CCDC169: variants seen among roughly 807,000 people sequenced by gnomAD.
CCDC169 encodes the protein coiled-coil domain-containing protein 169.
CCDC169 carries 30 observed loss-of-function variants against 36.0 expected under a neutral mutation model. The observed-to-expected ratio is 0.83, with a 90% CI of 0.62 to 1.13. The LOEUF is 1.13. CCDC169 is among the 50% of genes most tolerant of loss of function. The pLI, the probability that CCDC169 is intolerant of heterozygous loss-of-function variation, is 0.00. For missense variants in CCDC169, 245 were observed against 245.9 expected, an observed-to-expected ratio of 1.00 and a Z score of 0.03; for synonymous variants, 85 against 81.5, an observed-to-expected ratio of 1.04 and a Z score of -0.23.
At chr13:36,269,764 G>C (rs1875791037) in intron 4 of CCDC169, among the ~76,000 whole-genome samples, 1 of 152,112 alleles carries the variant, frequency 6.6e-6, no homozygotes, top group Admixed American at 6.5e-5. Flanking sequence ...AGACATAGAA[G>C]GGACTTACTT....
chr13:36,233,879 T>C (rs569820313), intron 7 of CCDC169, among the ~76,000 whole-genome samples: 1 of 152,342 alleles, frequency 6.6e-6, no homozygotes, highest in East Asian at 1.9e-4. Context: ...CTTACAAAGC[T>C]GTCTTAAGTG....
intron 7 of CCDC169, among the ~76,000 whole-genome samples, chr13:36,234,790 T>C (rs1475236945): frequency 6.6e-6 from 1 of 152,100 alleles, no homozygotes; most frequent in Non-Finnish European, 1.5e-5. Flanking sequence ...ACAGAAGGAA[T>C]TAATCATCAG....
chr13:36,223,407 T>G (rs1203830358), downstream of CCDC169: 1 of 152,144 alleles, frequency 6.6e-6, no homozygotes, highest in African/African-American at 2.4e-5. Context: ...TAGTAATATT[T>G]TCTGTATTTC....
chr13:36,257,508 T>C (rs1342157245), intron 4 of CCDC169, among the ~76,000 whole-genome samples: 1 of 146,142 alleles, frequency 6.8e-6, no homozygotes, highest in Non-Finnish European at 1.5e-5. Flanking sequence ...GATCGAGACA[T>C]CCTGGCCAAT....
chr13:36,238,205 G>A lies in CCDC169; in HGVS notation c.546-6913C>T, dbSNP rs542015024. On this transcript the variant is annotated intron_variant, in intron 7 of 7. Transcript: ENST00000239859. ...TGAAAATGTTCTGGAATCAGTTAGT[G>A]GTGATGCTTGCATGACCCCATGAAT... 2.6e-5 allele frequency among the ~76,000 whole-genome samples: 4 copies of A among 152,256 alleles called. No individual in the cohort carries two copies. The South Asian group carries it at 6.2e-4, about 24-fold the overall frequency.
At chr13:36,253,031 T>C (rs1873360628) in intron 6 of CCDC169, among the ~76,000 whole-genome samples, 1 of 151,568 alleles carries the variant, frequency 6.6e-6, no homozygotes, top group Non-Finnish European at 1.5e-5. Context: ...AACTCTACAA[T>C]ACCAACGATA....
intron 4 of CCDC169, among the ~76,000 whole-genome samples, chr13:36,271,575 G>T (rs571703333): frequency 1.3e-5 from 2 of 152,212 alleles, no homozygotes; most frequent in East Asian, 3.9e-4. Context: ...TACTACTCAG[G>T]CATTAAAAGG....
chr13:36,248,419 T>TA (rs759875109), intron 7 of CCDC169, among the ~76,000 whole-genome samples, 187 bp downstream of exon 7: 40 of 151,604 alleles, frequency 2.6e-4, no homozygotes, highest in Non-Finnish European at 1.2e-4. Flanking sequence ...ATCTGGGATC[T>TA]AAAAAAAATG....
At chr13:36,224,859 C>T (rs544850285), downstream of CCDC169, 59 of 152,200 alleles carry the variant, frequency 3.9e-4, 1 homozygote, top group African/African-American at 1.4e-3. Context: ...AAGGAAAAAG[C>T]CAGTGGCAAC....
chr13:36,281,005 A>T (rs965642913), intron 4 of CCDC169: 2 of 235,516 alleles, frequency 8.5e-6, no homozygotes, highest in Non-Finnish European at 1.7e-5. Context: ...AAGGGGAATT[A>T]CTGGGTGCAG....
At chr13:36,241,962 G>C (rs1871879972) in intron 7 of CCDC169, among the ~76,000 whole-genome samples, 1 of 151,988 alleles carries the variant, frequency 6.6e-6, no homozygotes, top group South Asian at 2.1e-4. Flanking sequence ...CTGGTTGTTT[G>C]AAAATGTGTA....
intron 7 of CCDC169, among the ~76,000 whole-genome samples, chr13:36,243,774 A>G (rs1478533913): frequency 1.3e-5 from 2 of 152,130 alleles, no homozygotes; most frequent in South Asian, 2.1e-4. Flanking sequence ...CCATGGCACT[A>G]CAGCCTGGGC....
intron 2 of CCDC169, among the ~76,000 whole-genome samples, chr13:36,284,299 T>C (rs537307270): frequency 6.6e-6 from 1 of 152,350 alleles, no homozygotes; most frequent in African/African-American, 2.4e-5. Context: ...GTCTGCCGTG[T>C]GTAAAGCACA....
chr13:36,249,935 T>C (rs1444922657), intron 6 of CCDC169, among the ~76,000 whole-genome samples: 7 of 146,704 alleles, frequency 4.8e-5, no homozygotes, highest in Admixed American at 3.5e-4. Context: ...TTTGGGTATA[T>C]TGGAACAGAA....
chr13:36,255,837 T>C (rs1182030042), intron 4 of CCDC169, among the ~76,000 whole-genome samples: 1 of 152,150 alleles, frequency 6.6e-6, no homozygotes, highest in Admixed American at 6.5e-5. Flanking sequence ...GAGGAACTTG[T>C]GGCCAGGACG....
At chr13:36,297,545 C>T in intron 1 of CCDC169, 92 bp downstream of exon 1, 1 of 1,288,898 alleles carries the variant, frequency 7.8e-7, no homozygotes, top group Non-Finnish European at 1.1e-6. Flanking sequence ...GCCGGTCTTA[C>T]AGCACCCTCA....
At chr13:36,246,666 A>G (rs1422940752) in intron 7 of CCDC169, among the ~76,000 whole-genome samples, 1 of 152,216 alleles carries the variant, frequency 6.6e-6, no homozygotes. Context: ...GGAATTAAAT[A>G]TGTCTTATGT....
chr13:36,271,144 C>T (rs1160240347), intron 4 of CCDC169, among the ~76,000 whole-genome samples: 1 of 151,804 alleles, frequency 6.6e-6, no homozygotes, highest in Non-Finnish European at 1.5e-5. Context: ...TACAAATGGC[C>T]AACAAACATG....
intron 4 of CCDC169, chr13:36,281,319 T>C (rs1443980703): frequency 2.3e-6 from 1 of 435,202 alleles, no homozygotes; most frequent in Non-Finnish European, 4.5e-6. Context: ...TTTAAACCTT[T>C]CTCTTACATT....
Sources: gnomAD v4.1 joint callset for allele counts (sites outside exome capture counted in the v4.1 genomes callset) on GRCh38, gnomAD v4.1.1 for gene constraint, MANE v1.5 for transcripts, NCBI Gene and HGNC (gene_info 2026-07-23, HGNC 2026-07-21) for gene names.